Variants in SLC6A6 observed in about 807,000 individuals in gnomAD.
SLC6A6 encodes sodium- and chloride-dependent taurine transporter.
SLC6A6 carries 16 observed loss-of-function variants against 68.8 expected under a neutral mutation model. The ratio of observed to expected loss-of-function variants is 0.23; its 90% CI spans 0.16 to 0.35. The LOEUF is 0.35. Among genes scored for constraint, SLC6A6 ranks in the 10% least tolerant of loss-of-function variants. SLC6A6 has a pLI of 1.00. For missense variants in SLC6A6, 474 were observed against 802.8 expected (o/e 0.59, Z 4.95); for synonymous variants, 312 against 315.4 (o/e 0.99, Z 0.12).
chr3:14,435,370 G>A (rs1401387975), intron 2 of SLC6A6, among the ~76,000 whole-genome samples: 3 of 152,180 alleles, frequency 2.0e-5, no homozygotes, highest in Admixed American at 6.5e-5. Context: ...GGGTAGACCC[G>A]TACTTTGGTG....
At chr3:14,411,483 G>A (rs895964015) in intron 1 of SLC6A6, among the ~76,000 whole-genome samples, 2 of 152,208 alleles carry the variant, frequency 1.3e-5, no homozygotes, top group Non-Finnish European at 2.9e-5. Flanking sequence ...AAAAGATGAC[G>A]TGAGTTAAAG....
At chr3:14,432,011 G>A (rs1699735552) in intron 2 of SLC6A6, among the ~76,000 whole-genome samples, 1 of 152,168 alleles carries the variant, frequency 6.6e-6, no homozygotes, top group African/African-American at 2.4e-5. Flanking sequence ...AGAGCGCCCT[G>A]ACTGGTTTCC....
intron 13 of SLC6A6, among the ~76,000 whole-genome samples, chr3:14,480,131 G>A (rs934413889): frequency 1.3e-5 from 2 of 152,230 alleles, no homozygotes; most frequent in Non-Finnish European, 2.9e-5. Context: ...AGACTGTGAA[G>A]GAGGACCCCG....
chr3:14,457,779 ACT>A (rs1333783140), intron 5 of SLC6A6, among the ~76,000 whole-genome samples, 169 bp from the exon 6 acceptor site: 2 of 151,992 alleles, frequency 1.3e-5, no homozygotes, highest in Non-Finnish European at 2.9e-5. Flanking sequence ...CTTTCCAACA[ACT>A]CTGTCTCAAG....
intron 3 of SLC6A6, among the ~76,000 whole-genome samples, chr3:14,445,430 A>AAAAAAAAG (rs1206489871): frequency 1.5e-5 from 2 of 131,016 alleles, no homozygotes; most frequent in African/African-American, 6.8e-5. Context: ...CAAAAGAAAA[A>AAAAAAAAG]AAAAAAAGAA....
chr3:14,458,134 G>A, intron 6 of SLC6A6, 52 bp downstream of exon 6: 1 of 1,572,096 alleles, frequency 6.4e-7, no homozygotes, highest in Non-Finnish European at 8.8e-7. Flanking sequence ...GTGCCAGGCT[G>A]GCCCTCTCCC....
chr3:14,458,018 G>A lies in SLC6A6; in HGVS notation c.668G>A (p.Cys223Tyr). The A allele has an allele frequency of 6.2e-7, 1 of 1,613,888 alleles. No individual in the cohort carries two copies. Among genetic ancestry groups the A allele is most frequent in the South Asian group, 1.1e-5 (1 of 91,070 alleles). Residue 223 changes from cysteine (C) to tyrosine (Y), a missense_variant, in exon 6 of 15, where the codon TGC becomes TAC. By Grantham distance (194) the Cys-to-Tyr change is radical. This residue lies in a region of SLC6A6 where 280 missense variants were observed against 533.1 expected (regional missense o/e 0.53). Coordinates refer to ENST00000622186, the MANE Select transcript of SLC6A6 (RefSeq NM_003043.6). ...TCTCTGAAATGGGACCTCGCTCTCT[G>A]CCTTCTTTTAGTCTGGCTAGTGTGT... is the stretch of plus-strand genomic sequence containing the variant. ...PGSLKWDLAL[C>Y]LLLVWLVCFF...
Position 14,486,756 on chromosome 3 carries a change from C to T in SLC6A6, c.*1749C>T, listed in dbSNP as rs1701178505. The T allele has an allele frequency of 6.6e-6, 1 of 152,500 alleles. No homozygotes were observed. Among genetic ancestry groups the T allele is most frequent in the Non-Finnish European group, 1.5e-5 (1 of 68,052 alleles). The allele number at this position is 152,500 out of a possible 1,614,324, so 9.4% of individuals were successfully genotyped here. On this transcript the variant is annotated 3_prime_UTR_variant, in exon 15 of 15. Transcript: ENST00000622186. Reference sequence around the variant, plus strand: ...GCAGGGGCTCTTGGAACCCTGGAAACCCCCTTCTTAAATTTGGGAGGAGGA... The same window carrying T: ...GCAGGGGCTCTTGGAACCCTGGAAATCCCCTTCTTAAATTTGGGAGGAGGA...
Position 14,479,086 on chromosome 3 carries a change from A to T in SLC6A6, c.1452A>T (p.Gly484=), listed in dbSNP as rs780894507. 5 of 1,604,228 alleles carry T rather than the reference A, an allele frequency of 3.1e-6. No homozygotes were observed. The highest frequency in any genetic ancestry group is 4.3e-6 in the Non-Finnish European group (5 of 1,171,210). Residue 484 remains glycine (G), a splice_region_variant and synonymous_variant, in exon 13 of 15, where the codon GGA becomes GGT. Coordinates refer to ENST00000622186, the MANE Select transcript of SLC6A6 (RefSeq NM_003043.6). The part of the protein sequence containing the change: ...FECFVIAWIY[G]GDNLYDGIED... ...AATGTCCCCCTCTGTCTCTTGCAGG[A>T]GGTGATAACCTTTATGATGGTATTG...
chr3:14,478,474 G>A lies in SLC6A6; in HGVS notation c.1356G>A (p.Met452Ile). 1.2e-6 allele frequency: 2 copies of A among 1,609,880 alleles called. No homozygotes were observed. The highest frequency in any genetic ancestry group is 1.7e-6 in the Non-Finnish European group (2 of 1,176,456). The part of the protein sequence containing the change: ...LGLTMVTEGG[M>I]YVFQLFDYYA... Reference sequence around the variant, plus strand: ...GGTTTTTTTCTTCACAGGGTGGCATGTATGTGTTTCAGCTCTTTGACTACT... The same window carrying A: ...GGTTTTTTTCTTCACAGGGTGGCATATATGTGTTTCAGCTCTTTGACTACT... The change falls in exon 12 of 15, where the codon ATG (methionine) becomes ATA (isoleucine). Residue 452 changes from methionine (M) to isoleucine (I), a missense_variant. By Grantham distance (10) the Met-to-Ile change is conservative (BLOSUM62 1). This residue lies in a region of SLC6A6 where 194 missense variants were observed against 269.8 expected (regional missense o/e 0.72). Coordinates refer to ENST00000622186, the MANE Select transcript of SLC6A6 (RefSeq NM_003043.6).
intron 2 of SLC6A6, chr3:14,432,837 G>T (rs188139345): frequency 1.1e-4 from 16 of 152,364 alleles, no homozygotes; most frequent in African/African-American, 3.8e-4. Context: ...CTCCAGCCCA[G>T]CTGTGGGTAC....
intron 1 of SLC6A6, among the ~76,000 whole-genome samples, chr3:14,415,381 G>A (rs1463249546): frequency 1.3e-5 from 2 of 152,156 alleles, no homozygotes; most frequent in Non-Finnish European, 2.9e-5. Flanking sequence ...TGGCAAGTGC[G>A]CCTCTGGGTC....
At chr3:14,429,547 C>T (rs1244514654) in intron 2 of SLC6A6, among the ~76,000 whole-genome samples, 2 of 152,202 alleles carry the variant, frequency 1.3e-5, no homozygotes, top group East Asian at 1.9e-4. Flanking sequence ...GCCTTAATCT[C>T]TTTCCTGAGC....
At chr3:14,466,933 G>C (rs1442683598) in intron 7 of SLC6A6, among the ~76,000 whole-genome samples, 1 of 152,222 alleles carries the variant, frequency 6.6e-6, no homozygotes, top group African/African-American at 2.4e-5. Context: ...CCAAGGGGGA[G>C]AAATCTTCTG....
intron 10 of SLC6A6, among the ~76,000 whole-genome samples, chr3:14,476,050 C>T (rs970854678): frequency 6.6e-6 from 1 of 152,208 alleles, no homozygotes; most frequent in Non-Finnish European, 1.5e-5. Context: ...AAGCCTCGTT[C>T]AGATGAAAGG....
intron 2 of SLC6A6, among the ~76,000 whole-genome samples, chr3:14,436,467 G>T (rs1365152361): frequency 7.3e-6 from 1 of 136,426 alleles, no homozygotes; most frequent in African/African-American, 2.7e-5. Flanking sequence ...GCCTTCCAGA[G>T]TGTTGGGATT....
chr3:14,456,570 AT>A (rs1700372597), intron 5 of SLC6A6, among the ~76,000 whole-genome samples: 1 of 152,256 alleles, frequency 6.6e-6, no homozygotes, highest in African/African-American at 2.4e-5. Flanking sequence ...TCTAAAAAAA[AT>A]AAAATAAAAA....
chr3:14,474,425 T>C (rs1700826430), intron 10 of SLC6A6, among the ~76,000 whole-genome samples: 1 of 152,194 alleles, frequency 6.6e-6, no homozygotes, highest in African/African-American at 2.4e-5. Flanking sequence ...TTCAGTGGCA[T>C]TAGTACCTTC....
chr3:14,427,468 C>T (rs1010599214), intron 2 of SLC6A6, among the ~76,000 whole-genome samples: 3 of 152,198 alleles, frequency 2.0e-5, no homozygotes, highest in African/African-American at 7.2e-5. Flanking sequence ...TGGCTAGCCC[C>T]GCCTTCCTTC....
Sources: gnomAD v4.1 joint callset for allele counts (sites outside exome capture counted in the v4.1 genomes callset) on GRCh38, gnomAD v4.1.1 for gene constraint, gnomAD v4.1.1 regional missense constraint, MANE v1.5 for transcripts, NCBI Gene and HGNC (gene_info 2026-07-23, HGNC 2026-07-21) for gene names.